Variants in UBXN2A observed in about 807,000 individuals in gnomAD.
The protein encoded by UBXN2A is UBX domain protein 2A, also known as UBX domain-containing protein 2A.
A neutral mutation model predicts 28.4 loss-of-function variants in UBXN2A; 28 were observed. The ratio of observed to expected loss-of-function variants is 0.99; its 90% CI spans 0.73 to 1.35. UBXN2A has a LOEUF of 1.35. Among genes scored for constraint, UBXN2A ranks in the 40% most tolerant of loss-of-function variants. UBXN2A has a pLI of 0.00. For synonymous variants in UBXN2A, 97 were observed against 103.6 expected (o/e 0.94, Z 0.39); for missense variants, 253 against 297.9 (o/e 0.85, Z 1.11).
At chr2:23,929,180 T>A (rs1406722421) in intron 1 of UBXN2A, among the ~76,000 whole-genome samples, 1 of 151,294 alleles carries the variant, frequency 6.6e-6, no homozygotes, top group Non-Finnish European at 1.5e-5. Flanking sequence ...TGGAGTGCAG[T>A]GGCACAACCA....
chr2:23,988,135 AAAAAG>A (rs1210233047), intron 6 of UBXN2A, among the ~76,000 whole-genome samples: 8 of 152,004 alleles, frequency 5.3e-5, no homozygotes, highest in South Asian at 2.1e-4. Flanking sequence ...AAAAAAAAAA[AAAAAG>A]AAAGAAAAAA....
At chr2:23,930,994 G>A (rs974848899) in intron 1 of UBXN2A, among the ~76,000 whole-genome samples, 9 of 152,100 alleles carry the variant, frequency 5.9e-5, no homozygotes, top group African/African-American at 1.9e-4. Flanking sequence ...GTGAAACCCT[G>A]TCTCTCCTAA....
At chr2:23,930,679 A>G (rs930755056) in intron 1 of UBXN2A, among the ~76,000 whole-genome samples, 13 of 152,160 alleles carry the variant, frequency 8.5e-5, no homozygotes, top group African/African-American at 3.1e-4. Context: ...CGCTGGTCAC[A>G]TAGTGACACC....
In UBXN2A at chr2:23,989,109, C is replaced by T. The variant is rs189480643; in HGVS notation, c.584+4278C>T. 5.7e-4 allele frequency among the ~76,000 whole-genome samples: 86 copies of T among 152,058 alleles called. 1 individual carries two copies. The East Asian group carries it at 0.015, about 27-fold the overall frequency. ...TTGAAAAGAATTGTTTGTGTGCACA[C>T]GCACACACACACACGCCAAAAAGAA... On this transcript the variant is annotated intron_variant, in intron 6 of 6. Transcript: ENST00000309033.
chr2:23,982,919 G>A lies in UBXN2A; in HGVS notation c.311G>A (p.Gly104Glu), dbSNP rs371669493. 10 of 1,606,736 alleles carry A rather than the reference G, an allele frequency of 6.2e-6. No individual in the cohort carries two copies. Among genetic ancestry groups the A allele is most frequent in the African/African-American group, 1.3e-5 (1 of 74,702 alleles). ...KKGELPSELQ[G>E]IFDKEEVDVK... Reference sequence around the variant, plus strand: ...AGGGAATTACCTTCAGAATTACAGGGAATTTTTGATAAAGAAGAGGTGGAC... The same window carrying A: ...AGGGAATTACCTTCAGAATTACAGGAAATTTTTGATAAAGAAGAGGTGGAC... Residue 104 changes from glycine (G) to glutamate (E), a missense_variant, in exon 5 of 7, where the codon GGA becomes GAA. Gly to Glu is a moderately conservative substitution (Grantham distance 98). Coordinates refer to ENST00000309033, the MANE Select transcript of UBXN2A (RefSeq NM_181713.4).
intron 3 of UBXN2A, among the ~76,000 whole-genome samples, chr2:23,972,736 C>T (rs1316371203): frequency 2.6e-5 from 4 of 151,834 alleles, no homozygotes; most frequent in East Asian, 1.9e-4. Context: ...GCAGGAGAAT[C>T]GCGTGAACCT....
At chr2:23,990,816 A>G (rs1018041249) in intron 6 of UBXN2A, among the ~76,000 whole-genome samples, 2 of 152,128 alleles carry the variant, frequency 1.3e-5, no homozygotes, top group Non-Finnish European at 2.9e-5. Context: ...ACACATAAAC[A>G]TGGATGAGTC....
intron 4 of UBXN2A, among the ~76,000 whole-genome samples, chr2:23,980,178 A>G (rs1707838162): frequency 1.3e-5 from 2 of 152,116 alleles, no homozygotes; most frequent in Admixed American, 1.3e-4. Flanking sequence ...GTCTATCTCT[A>G]TGGATTTCTG....
intron 6 of UBXN2A, among the ~76,000 whole-genome samples, chr2:23,995,016 T>A (rs1288445344): frequency 2.0e-5 from 3 of 152,246 alleles, no homozygotes; most frequent in Non-Finnish European, 4.4e-5. Flanking sequence ...CCCAGCATTT[T>A]GGAGCTGCTA....
chr2:23,966,870 A>C (rs1160173590), intron 2 of UBXN2A, among the ~76,000 whole-genome samples: 1 of 145,468 alleles, frequency 6.9e-6, no homozygotes, highest in Non-Finnish European at 1.5e-5. Flanking sequence ...TGGCCTCCTG[A>C]GCTCAGCCTC....
At chr2:23,938,447 C>T (rs1705599851), upstream of UBXN2A, among the ~76,000 whole-genome samples, 1 of 151,344 alleles carries the variant, frequency 6.6e-6, no homozygotes, top group Non-Finnish European at 1.5e-5. Context: ...GCCTGGGCAA[C>T]AAGAGCAAAA....
At chr2:23,984,871 GT>G in intron 6 of UBXN2A, 40 bp downstream of exon 6, 1 of 1,526,466 alleles carries the variant, frequency 6.6e-7, no homozygotes, top group Non-Finnish European at 8.7e-7. Context: ...TTTTCACCAA[GT>G]TAAAATTTCA....
At chr2:23,982,800 A>G in intron 4 of UBXN2A, 96 bp from the exon 5 acceptor site, 1 of 1,268,544 alleles carries the variant, frequency 7.9e-7, no homozygotes, top group Non-Finnish European at 1.1e-6. Context: ...ATATTTCTGT[A>G]TATTTCTACA....
intron 3 of UBXN2A, among the ~76,000 whole-genome samples, chr2:23,974,705 T>C (rs532961827): frequency 3.5e-4 from 54 of 152,154 alleles, no homozygotes; most frequent in Non-Finnish European, 6.5e-4. Flanking sequence ...AGGCTGGGCT[T>C]GGTGGCTTAC....
At chr2:23,996,877 G>GT (rs1353350973) in intron 6 of UBXN2A, 1 of 151,938 alleles carries the variant, frequency 6.6e-6, no homozygotes, top group Admixed American at 6.6e-5. Flanking sequence ...CAGCACAGGA[G>GT]TTTTTACTTG....
chr2:23,935,478 G>A (rs912831840), upstream of UBXN2A, among the ~76,000 whole-genome samples: 36 of 152,102 alleles, frequency 2.4e-4, no homozygotes, highest in Non-Finnish European at 7.4e-5. Flanking sequence ...GCCAATAGGC[G>A]CATGAAAAGA....
intron 6 of UBXN2A, 58 bp from the exon 7 acceptor site, chr2:23,999,614 T>C (rs1490143792): frequency 2.6e-6 from 4 of 1,520,698 alleles, no homozygotes; most frequent in Non-Finnish European, 1.8e-6. Flanking sequence ...GTTGTTACTA[T>C]AAATTAGGTA....
intron 2 of UBXN2A, among the ~76,000 whole-genome samples, chr2:23,964,497 A>C (rs1707082950): frequency 6.6e-6 from 1 of 152,368 alleles, no homozygotes; most frequent in Admixed American, 6.5e-5. Flanking sequence ...GGCGTGAGCC[A>C]CCACGCTCGG....
chr2:23,943,877 T>G, intron 1 of UBXN2A: 1 of 389,736 alleles, frequency 2.6e-6, no homozygotes, highest in Non-Finnish European at 5.1e-6. Flanking sequence ...CATGTTGGAG[T>G]GGTCATTGCC....
Sources: gnomAD v4.1 joint callset for allele counts (sites outside exome capture counted in the v4.1 genomes callset) on GRCh38, gnomAD v4.1.1 for gene constraint, MANE v1.5 for transcripts, NCBI Gene and HGNC (gene_info 2026-07-23, HGNC 2026-07-21) for gene names.